The following PHKB variants were observed in gnomAD, a reference collection of about 807,000 sequenced individuals.
PHKB encodes phosphorylase kinase regulatory subunit beta.
In PHKB, 122 loss-of-function variants were observed where a neutral mutation model predicts 152.1. That is an observed-to-expected ratio of 0.80 (90% confidence interval 0.69 to 0.93). PHKB has a LOEUF of 0.93. PHKB is among the 40% of genes least tolerant of loss of function. PHKB has a pLI of 0.00. For synonymous variants in PHKB, 436 were observed against 464.9 expected (o/e 0.94, Z 0.80); for missense variants, 1,304 against 1,328.4 (o/e 0.98, Z 0.29).
chr16:47,525,305 C>G (rs981285807), intron 6 of PHKB, among the ~76,000 whole-genome samples: 1 of 152,058 alleles, frequency 6.6e-6, no homozygotes, highest in Non-Finnish European at 1.5e-5. Flanking sequence ...CACAAATGAT[C>G]ACTATTTTAG....
chr16:47,596,283 A>G, intron 12 of PHKB, 90 bp from the exon 13 acceptor site: 3 of 904,066 alleles, frequency 3.3e-6, no homozygotes, highest in South Asian at 3.0e-5. Context: ...TTTATAAATT[A>G]CCCAGTCTTG....
At chr16:47,631,723 G>A (rs908696123) in intron 14 of PHKB, among the ~76,000 whole-genome samples, 3 of 152,120 alleles carry the variant, frequency 2.0e-5, no homozygotes, top group African/African-American at 4.8e-5. Flanking sequence ...ATGAAAACAT[G>A]CAGTGTTTGG....
At chr16:47,597,958 A>G (rs1207984743) in intron 13 of PHKB, 2 of 151,792 alleles carry the variant, frequency 1.3e-5, no homozygotes, top group African/African-American at 4.8e-5. Flanking sequence ...AATTTCTTCA[A>G]CTGTACAATG....
At chr16:47,628,748 C>T (rs1972760508) in intron 14 of PHKB, among the ~76,000 whole-genome samples, 1 of 152,160 alleles carries the variant, frequency 6.6e-6, no homozygotes, top group African/African-American at 2.4e-5. Context: ...AAGCTGGAGG[C>T]ATCACGCTAC....
intron 3 of PHKB, 141 bp downstream of exon 3, chr16:47,500,035 C>T (rs1321773253): frequency 3.3e-6 from 3 of 903,516 alleles, no homozygotes; most frequent in African/African-American, 3.4e-5. Context: ...CTTTTTAGGC[C>T]TCTAAACCTT....
intron 7 of PHKB, chr16:47,565,723 C>G (rs1971554228): frequency 6.8e-6 from 10 of 1,480,546 alleles, no homozygotes; most frequent in Non-Finnish European, 8.4e-6. Flanking sequence ...GGCCATCGTT[C>G]TAGTTTTGGC....
At chr16:47,565,342 T>G (rs577374678) in intron 7 of PHKB, 17 of 848,700 alleles carry the variant, frequency 2.0e-5, no homozygotes, top group Middle Eastern at 2.9e-4. Flanking sequence ...TATTTTCATC[T>G]TTTCTTGCTG....
At chr16:47,478,024 CT>C (rs901934287) in intron 1 of PHKB, among the ~76,000 whole-genome samples, 1 of 152,018 alleles carries the variant, frequency 6.6e-6, no homozygotes, top group African/African-American at 2.4e-5. Flanking sequence ...GAAAAGCTTC[CT>C]AAATCTTGCC....
At chr16:47,560,939 T>C (rs1365336639) in intron 7 of PHKB, among the ~76,000 whole-genome samples, 1 of 152,122 alleles carries the variant, frequency 6.6e-6, no homozygotes, top group Non-Finnish European at 1.5e-5. Context: ...ATATATGGTA[T>C]AAGGAAAAGG....
intron 12 of PHKB, among the ~76,000 whole-genome samples, chr16:47,595,986 T>G (rs1972110643): frequency 6.6e-6 from 1 of 152,182 alleles, no homozygotes; most frequent in Non-Finnish European, 1.5e-5. Flanking sequence ...AGACAGTAAT[T>G]TTGATATGGT....
chr16:47,553,036 A>G (rs1027284825), intron 7 of PHKB, among the ~76,000 whole-genome samples: 1 of 152,044 alleles, frequency 6.6e-6, no homozygotes, highest in Non-Finnish European at 1.5e-5. Flanking sequence ...CTCAAGGAGT[A>G]TCTTTGTGGT....
intron 28 of PHKB, among the ~76,000 whole-genome samples, 169 bp downstream of exon 28, chr16:47,693,676 T>C (rs1974102185): frequency 6.6e-6 from 1 of 152,188 alleles, no homozygotes; most frequent in Non-Finnish European, 1.5e-5. Context: ...ATTGAAAATT[T>C]TTTTCCCCAA....
chr16:47,547,519 T>A lies in PHKB; in HGVS notation c.681T>A (p.Tyr227Ter). 2 of 1,608,158 alleles carry A rather than the reference T, an allele frequency of 1.2e-6. No individual in the cohort carries two copies. Among genetic ancestry groups the A allele is most frequent in the Non-Finnish European group, 1.7e-6 (2 of 1,174,578 alleles). ...GTGTCTGGGAAAGAGGAAGCAAATA[T>A]AATAATGGCAGCACAGAGCTACATT... ...DFGVWERGSKYNNGSTELHSS... is the reference protein window; with the variant it reads ...DFGVWERGSK Residue 227 changes from tyrosine to a stop codon, truncating the protein, a stop_gained, in exon 7 of 31, where the codon TAT becomes TAA. Coordinates refer to ENST00000323584, the MANE Select transcript of PHKB (RefSeq NM_000293.3). LOFTEE classifies it high-confidence loss of function.
intron 5 of PHKB, 151 bp downstream of exon 5, chr16:47,511,923 A>G (rs1261509391): frequency 2.4e-5 from 16 of 660,382 alleles, no homozygotes; most frequent in Admixed American, 1.4e-4. Context: ...AAACCGTTCC[A>G]TCTCATATCA....
chr16:47,515,262 G>T (rs1046576902), intron 5 of PHKB, among the ~76,000 whole-genome samples: 1 of 152,150 alleles, frequency 6.6e-6, no homozygotes, highest in African/African-American at 2.4e-5. Flanking sequence ...TGTAGAAACA[G>T]TTGTTAACAG....
chr16:47,529,135 G>A (rs974258715), intron 6 of PHKB: 1 of 151,930 alleles, frequency 6.6e-6, no homozygotes, highest in Non-Finnish European at 1.5e-5. Context: ...TAATATAGGT[G>A]GTATTCCTCT....
At chr16:47,572,474 G>C (rs1358218990) in intron 7 of PHKB, among the ~76,000 whole-genome samples, 2 of 152,128 alleles carry the variant, frequency 1.3e-5, no homozygotes, top group Non-Finnish European at 2.9e-5. Context: ...TTGGTTACTA[G>C]CATCTATAGT....
At chr16:47,685,534 T>C (rs1023483565) in intron 26 of PHKB, among the ~76,000 whole-genome samples, 1 of 152,236 alleles carries the variant, frequency 6.6e-6, no homozygotes, top group African/African-American at 2.4e-5. Flanking sequence ...TCCTTCTTTA[T>C]TAGTAGTCCT....
chr16:47,693,433 T>C lies in PHKB; in HGVS notation c.2821T>C (p.Phe941Leu), dbSNP rs897577350. 6.2e-7 allele frequency: 1 copy of C among 1,613,882 alleles called. No individual in the cohort carries two copies. The highest frequency in any genetic ancestry group is 8.5e-7 in the Non-Finnish European group (1 of 1,179,962). The change falls in exon 28 of 31, where the codon TTC becomes CTC. Residue 941 changes from phenylalanine (F) to leucine (L), a missense_variant. Physicochemically the swap from Phe to Leu is conservative, Grantham distance 22. Coordinates refer to ENST00000323584, the MANE Select transcript of PHKB (RefSeq NM_000293.3). The part of the protein sequence containing the change: ...DGSLNRTPTG[F>L]YDRVWQILER... ...GTCTTTGAATAGAACTCCCACCGGG[T>C]TCTATGACCGAGTGTGGCAGATTCT...
Sources: allele counts gnomAD v4.1 joint callset (sites outside exome capture counted in the v4.1 genomes callset), GRCh38; gene constraint gnomAD v4.1.1; transcripts MANE v1.5; gene names NCBI Gene and HGNC (gene_info 2026-07-23, HGNC 2026-07-21).